The following USP8 variants were observed in gnomAD, a reference collection of about 807,000 sequenced individuals.
USP8 encodes ubiquitin carboxyl-terminal hydrolase 8.
USP8 carries 27 observed loss-of-function variants against 130.0 expected under a neutral mutation model. That is an observed-to-expected ratio of 0.21 (90% CI 0.15 to 0.29). The LOEUF is 0.29. Ranked by LOEUF, USP8 falls within the 10% of genes least tolerant of loss-of-function variation. USP8 has a pLI of 1.00. For synonymous variants in USP8, 392 were observed against 444.1 expected (o/e 0.88, Z 1.48); for missense variants, 1,029 against 1,312.2 (o/e 0.78, Z 3.33).
rs1418655155 is a variant in USP8, at chr15:50,510,708, T to C, written c.*11620T>C. Reference sequence around the variant, plus strand: ...GTATAGAGAGTGAAAGTAATAAAAGTGTATACACTGCTAAATGTTAATAAC... The same window carrying C: ...GTATAGAGAGTGAAAGTAATAAAAGCGTATACACTGCTAAATGTTAATAAC... On this transcript the variant is annotated 3_prime_UTR_variant, in exon 20 of 20. Transcript: ENST00000307179. 1 of 152,114 alleles carries C rather than the reference T, an allele frequency of 6.6e-6. No homozygotes were observed. Among genetic ancestry groups the C allele is most frequent in the Non-Finnish European group, 1.5e-5 (1 of 68,012 alleles). 9.4% of individuals were successfully genotyped at this position (152,114 alleles called of 1,614,324 possible).
chr15:50,424,547 C>T, intron 1 of USP8, 33 bp downstream of exon 1: 2 of 398,648 alleles, frequency 5.0e-6, no homozygotes, highest in Non-Finnish European at 8.8e-6. Flanking sequence ...AGCACCTGTT[C>T]TCTGGGAAGT....
At chr15:50,459,987 A>ACCCG (rs1313027703) in intron 5 of USP8, among the ~76,000 whole-genome samples, 2 of 80,192 alleles carry the variant, frequency 2.5e-5, no homozygotes, top group African/African-American at 5.7e-5. Context: ...CAGTTCCCCC[A>ACCCG]CCCCCCCCCT....
intron 4 of USP8, among the ~76,000 whole-genome samples, chr15:50,455,363 C>T (rs1276378853): frequency 3.4e-5 from 5 of 147,408 alleles, no homozygotes; most frequent in Admixed American, 2.7e-4. Context: ...TAGGCATGAG[C>T]CACTGCGCCC....
chr15:50,440,160 G>C (rs2050207973), intron 2 of USP8, among the ~76,000 whole-genome samples: 1 of 152,172 alleles, frequency 6.6e-6, no homozygotes, highest in Non-Finnish European at 1.5e-5. Flanking sequence ...TTGGGAAGTT[G>C]ATGAGGTGAC....
chr15:50,456,896 A>AG (rs1316874031), intron 4 of USP8, among the ~76,000 whole-genome samples: 1 of 152,216 alleles, frequency 6.6e-6, no homozygotes, highest in Non-Finnish European at 1.5e-5. Flanking sequence ...AAAAAGAAAA[A>AG]GAAAAAAAAG....
chr15:50,448,965 A>G (rs2050526363), intron 3 of USP8, among the ~76,000 whole-genome samples: 1 of 152,254 alleles, frequency 6.6e-6, no homozygotes, highest in South Asian at 2.1e-4. Context: ...AGGTGGAAGC[A>G]AAAATATCTG....
chr15:50,455,019 T>G (rs936120884), intron 4 of USP8, among the ~76,000 whole-genome samples: 7 of 143,220 alleles, frequency 4.9e-5, no homozygotes, highest in Non-Finnish European at 9.4e-5. Context: ...ACTCTTTACT[T>G]TGTCATCTCC....
At chr15:50,441,609 A>T in intron 3 of USP8, 116 bp downstream of exon 3, 1 of 846,342 alleles carries the variant, frequency 1.2e-6, no homozygotes, top group Non-Finnish European at 1.7e-6. Flanking sequence ...ATGCAGCATG[A>T]TCTCATGTAG....
intron 1 of USP8, among the ~76,000 whole-genome samples, chr15:50,433,781 C>A (rs191569517): frequency 0.016 from 2,422 of 151,794 alleles, 27 homozygotes; most frequent in Middle Eastern, 0.044. Context: ...AATTTTTTGT[C>A]TTTTTAGTAG....
At chr15:50,493,887 C>G (rs900449921) in intron 15 of USP8, 183 bp from the exon 16 acceptor site, 1 of 788,810 alleles carries the variant, frequency 1.3e-6, no homozygotes, top group Admixed American at 1.9e-5. Flanking sequence ...AAGAAGGAAG[C>G]TGAAGGGATG....
chr15:50,484,339 C>T lies in USP8; in HGVS notation c.1868C>T (p.Thr623Ile). ...AGGACAGGAACTTTTAGAGAGGATA[C>T]AGACGATACCGAAAGAAATAAAGTA... ...ILRTGTFRED[T>I]DDTERNKAQR... The change falls in exon 12 of 20, where the codon ACA (threonine) becomes ATA (isoleucine). Residue 623 changes from threonine (T) to isoleucine (I), a missense_variant. Transcript: ENST00000307179. 6.2e-7 allele frequency: 1 copy of T among 1,611,554 alleles called. No homozygotes were observed.
chr15:50,513,977 C>T lies in USP8; in HGVS notation c.*14889C>T, dbSNP rs947381586. 30 of 152,274 alleles carry T rather than the reference C, an allele frequency of 2.0e-4. No individual in the cohort carries two copies. The highest frequency in any genetic ancestry group is 6.7e-4 in the African/African-American group (28 of 41,558). 9.4% of individuals were successfully genotyped at this position (152,274 alleles called of 1,614,324 possible). A position where few individuals can be genotyped will look rare whatever the true frequency, so the allele number is the denominator to read the frequency against. On this transcript the variant is annotated 3_prime_UTR_variant, in exon 20 of 20. Coordinates refer to ENST00000307179, the MANE Select transcript of USP8 (RefSeq NM_005154.5). ...CAAAAAACAAGAATGTTTATAGCAA[C>T]CCTCTTTGCATTAGTCAAAAGCTAG... is the stretch of plus-strand genomic sequence containing the variant.
rs541247930 is a variant in USP8, at chr15:50,471,792, C to T, written c.846C>T (p.Phe282=). 3 of 1,613,284 alleles carry T rather than the reference C, an allele frequency of 1.9e-6. No homozygotes were observed. In the South Asian group the frequency reaches 3.3e-5, roughly 18 times the overall value. Residue 282 remains phenylalanine, a synonymous_variant, in exon 8 of 20, where the codon TTC becomes TTT. Coordinates refer to ENST00000307179, the MANE Select transcript of USP8 (RefSeq NM_005154.5). ...TCCGGAGTCTGAAAGATGCACTTTT[C>T]AAGGTTTGCAAGTTTCATTGTTAGT... ...TTLRSLKDAL[F]KWESKTVLRN...
chr15:50,477,167 T>C, intron 9 of USP8, 109 bp from the exon 10 acceptor site: 2 of 1,320,302 alleles, frequency 1.5e-6, no homozygotes, highest in Non-Finnish European at 2.1e-6. Flanking sequence ...GTTGTAATTG[T>C]TTTTTCACTT....
In USP8 at chr15:50,491,614, G is replaced by C. The variant is rs1356044943; in HGVS notation, c.2235-1087G>C. Among the ~76,000 whole-genome samples the C allele has an allele frequency of 2.0e-5, 3 of 152,120 alleles. No homozygotes were observed. In the East Asian group the frequency reaches 5.8e-4, roughly 29 times the overall value. On this transcript the variant is annotated intron_variant, in intron 14 of 19. Transcript: ENST00000307179. ...TGAAATATAGTTTAATCTGTTCTCA[G>C]TATTACTTTTAGGGGTGGAAGAACG... is the stretch of plus-strand genomic sequence containing the variant.
chr15:50,488,012 C>G (rs1257069613), intron 12 of USP8, among the ~76,000 whole-genome samples: 4 of 152,196 alleles, frequency 2.6e-5, no homozygotes, highest in African/African-American at 9.7e-5. Context: ...AACCCCATCT[C>G]TAAACTTTTT....
intron 14 of USP8, among the ~76,000 whole-genome samples, chr15:50,492,356 A>G (rs578118114): frequency 6.6e-6 from 1 of 152,198 alleles, no homozygotes; most frequent in East Asian, 1.9e-4. Flanking sequence ...GATAATGCCA[A>G]ACTTCCAGGG....
chr15:50,438,489 G>A (rs1370281367), intron 1 of USP8, among the ~76,000 whole-genome samples: 1 of 152,210 alleles, frequency 6.6e-6, no homozygotes, highest in Non-Finnish European at 1.5e-5. Context: ...GGAGGCTTAG[G>A]TAGGAGGATT....
At chr15:50,452,035 G>A (rs575485298) in intron 4 of USP8, among the ~76,000 whole-genome samples, 60 of 152,336 alleles carry the variant, frequency 3.9e-4, no homozygotes, top group African/African-American at 1.3e-3. Context: ...AGGGGTGGCC[G>A]CATGGTCCCA....
Sources: gnomAD v4.1 joint callset for allele counts (sites outside exome capture counted in the v4.1 genomes callset) on GRCh38, gnomAD v4.1.1 for gene constraint, MANE v1.5 for transcripts, NCBI Gene and HGNC (gene_info 2026-07-23, HGNC 2026-07-21) for gene names.